Variants in SGIP1 observed in about 807,000 individuals in gnomAD.
SGIP1 encodes the protein SH3GL interacting endocytic adaptor 1.
In SGIP1, 38 loss-of-function variants were observed where a neutral mutation model predicts 107.5. That is an observed-to-expected ratio of 0.35 (90% CI 0.27 to 0.46). The LOEUF is 0.46. Ranked by LOEUF, SGIP1 falls within the 20% of genes least tolerant of loss-of-function variation. The probability of loss-of-function intolerance (pLI) is 1.00; values close to 1 mark genes in which losing one functional copy is unlikely to be tolerated. For synonymous variants in SGIP1, 365 were observed against 366.1 expected, an observed-to-expected ratio of 1.00 and a Z score of 0.03; for missense variants, 929 against 1,019.5, an observed-to-expected ratio of 0.91 and a Z score of 1.21.
chr1:66,750,474 C>G lies in SGIP1; in HGVS notation c.*7379C>G, dbSNP rs1323208680. Among the ~76,000 whole-genome samples the G allele has an allele frequency of 6.6e-6, 1 of 151,922 alleles. No homozygotes were observed. Among genetic ancestry groups the G allele is most frequent in the Non-Finnish European group, 1.5e-5 (1 of 67,966 alleles). ...TGTGTGTAATTTGATTTGGTGGTAG[C>G]CTTTATTTAGAGCTCTCTTTGATCT... On this transcript the variant is annotated 3_prime_UTR_variant, in exon 25 of 25. Coordinates refer to ENST00000371037, the MANE Select transcript of SGIP1 (RefSeq NM_032291.4).
At chr1:66,644,195 T>A (rs1277080452) in intron 7 of SGIP1, among the ~76,000 whole-genome samples, 2 of 152,170 alleles carry the variant, frequency 1.3e-5, no homozygotes, top group Non-Finnish European at 2.9e-5. Flanking sequence ...CAAATCATAG[T>A]CTAAATCAAA....
At chr1:66,563,988 C>A (rs2059320590) in intron 1 of SGIP1, among the ~76,000 whole-genome samples, 1 of 151,972 alleles carries the variant, frequency 6.6e-6, no homozygotes, top group Non-Finnish European at 1.5e-5. Context: ...TAAACCCAGA[C>A]TGTAAGCAAT....
rs1039249034 is a variant in SGIP1, at chr1:66,620,461, G to A, written c.11-5386G>A. ...TTGACTCACAGTTCCACATGGCTGG[G>A]GAGGCCTCAGGAAACTCACAATCAT... On this transcript the variant is annotated intron_variant, in intron 1 of 24. Coordinates refer to ENST00000371037, the MANE Select transcript of SGIP1 (RefSeq NM_032291.4). 5.3e-5 allele frequency among the ~76,000 whole-genome samples: 8 copies of A among 152,136 alleles called. No homozygotes were observed. In the East Asian group the frequency reaches 1.5e-3, roughly 29 times the overall value.
intron 2 of SGIP1, among the ~76,000 whole-genome samples, chr1:66,629,011 C>T (rs1444671169): frequency 3.9e-5 from 6 of 152,180 alleles, no homozygotes; most frequent in African/African-American, 1.4e-4. Context: ...GTAATTGGAT[C>T]ATATATCATT....
chr1:66,696,734 G>T (rs1224983314), intron 18 of SGIP1, among the ~76,000 whole-genome samples: 2 of 152,322 alleles, frequency 1.3e-5, no homozygotes, highest in East Asian at 3.9e-4. Flanking sequence ...GTCTTCAGGA[G>T]AGGATGTATC....
Position 66,739,407 on chromosome 1 carries a change from G to A in SGIP1, c.2104G>A (p.Asp702Asn). The part of the protein sequence containing the change: ...VNWRCEPSST[D>N]LRIDYKYNTD... ...TTGGCGATGTGAGCCTTCAAGCACTGACCTGCGCATAGATTACAAATATAA... is the reference window on the plus strand; with the variant it reads ...TTGGCGATGTGAGCCTTCAAGCACTAACCTGCGCATAGATTACAAATATAA... Residue 702 changes from aspartate (D) to asparagine (N), a missense_variant, in exon 22 of 25, where the codon GAC becomes AAC. Coordinates refer to ENST00000371037, the MANE Select transcript of SGIP1 (RefSeq NM_032291.4). The A allele has an allele frequency of 6.2e-7, 1 of 1,613,376 alleles. No individual in the cohort carries two copies. The highest frequency in any genetic ancestry group is 8.5e-7 in the Non-Finnish European group (1 of 1,180,036).
At chr1:66,741,523 T>A (rs2150761537) in intron 24 of SGIP1, 87 bp downstream of exon 24, 1 of 1,338,754 alleles carries the variant, frequency 7.5e-7, no homozygotes, top group African/African-American at 1.5e-5. Context: ...TTTCTCATCT[T>A]TTTCCTCCAC....
intron 18 of SGIP1, among the ~76,000 whole-genome samples, chr1:66,704,033 C>G (rs2092269989): frequency 6.6e-6 from 1 of 151,966 alleles, no homozygotes; most frequent in Non-Finnish European, 1.5e-5. Context: ...AATGGCAGCT[C>G]TTTCACAGGG....
intron 20 of SGIP1, among the ~76,000 whole-genome samples, chr1:66,731,031 C>A (rs1284573459): frequency 6.6e-6 from 1 of 152,130 alleles, no homozygotes; most frequent in Non-Finnish European, 1.5e-5. Flanking sequence ...ATGACAAAAA[C>A]CGTAATTCCT....
intron 1 of SGIP1, among the ~76,000 whole-genome samples, chr1:66,564,548 T>C (rs2059394043): frequency 6.6e-6 from 1 of 151,926 alleles, no homozygotes; most frequent in Non-Finnish European, 1.5e-5. Context: ...ATTCTTGAGA[T>C]AGTTAGGATG....
chr1:66,641,634 C>A (rs994848547), intron 5 of SGIP1, among the ~76,000 whole-genome samples: 5 of 152,120 alleles, frequency 3.3e-5, no homozygotes, highest in Admixed American at 2.6e-4. Flanking sequence ...TGGGATAATT[C>A]TTTTCACATA....
Position 66,739,496 on chromosome 1 carries a change from A to G in SGIP1, c.2193A>G (p.Gly731=). 3.1e-6 allele frequency: 5 copies of G among 1,614,102 alleles called. No homozygotes were observed. Residue 731 remains glycine (G), a synonymous_variant, in exon 22 of 25, where the codon GGA becomes GGG. Coordinates refer to ENST00000371037, the MANE Select transcript of SGIP1 (RefSeq NM_032291.4). ...TGCAGTTCCTGGTCCCCATCGACGG[A>G]GGAGTCACCAAGCTCCAGGCAGTGC... ...NNVQFLVPID[G]GVTKLQAVLP...
Position 66,659,950 on chromosome 1 carries a change from AAAAGAAAGAAAGAAAG to A in SGIP1, c.460-529_460-514del, listed in dbSNP as rs71058469. Among the ~76,000 whole-genome samples the A allele has an allele frequency of 6.9e-3, 296 of 43,036 alleles. 17 individuals are homozygous for A. Among genetic ancestry groups the A allele is most frequent in the Middle Eastern group, 0.03 (3 of 100 alleles). The allele number at this position is 43,036 out of a possible 152,430, so 28.2% of individuals were successfully genotyped here. A position where few individuals can be genotyped will look rare whatever the true frequency, so the allele number is the denominator to read the frequency against. On this transcript the variant is annotated intron_variant, in intron 7 of 24. Coordinates refer to ENST00000371037, the MANE Select transcript of SGIP1 (RefSeq NM_032291.4). ...AAAAAGAGAGAAAGAAAAAGAAAGA[AAAAGAAAGAAAGAAAG>A]AAAGAAAGAAAGAAAGAAAGAAAGA...
intron 1 of SGIP1, among the ~76,000 whole-genome samples, chr1:66,544,690 A>G (rs1033238359): frequency 6.6e-6 from 1 of 152,172 alleles, no homozygotes; most frequent in East Asian, 1.9e-4. Flanking sequence ...CTCTGTCTCA[A>G]AAACAAACAT....
At position 66,690,232 on chromosome 1, in the gene SGIP1, C is replaced by G; in HGVS notation, c.1486C>G (p.Pro496Ala). The change falls in exon 17 of 25, where the codon CCA becomes GCA. Residue 496 changes from proline to alanine, a missense_variant. This residue lies in a region of SGIP1 where 341 missense variants were observed against 430.9 expected (regional missense o/e 0.79). Coordinates refer to ENST00000371037, the MANE Select transcript of SGIP1 (RefSeq NM_032291.4). Reference protein sequence around the residue: ...SPPIHSSSPPPIAPLARAEST... With the variant: ...SPPIHSSSPPAIAPLARAEST... ...TCCCATTCATTCTTCCAGCCCTCCTCCAATAGCACCCTTAGCGCGGGCTGA... is the reference window on the plus strand; with the variant it reads ...TCCCATTCATTCTTCCAGCCCTCCTGCAATAGCACCCTTAGCGCGGGCTGA... The G allele has an allele frequency of 6.2e-7, 1 of 1,614,176 alleles. No individual in the cohort carries two copies. Among genetic ancestry groups the G allele is most frequent in the Non-Finnish European group, 8.5e-7 (1 of 1,179,998 alleles).
At chr1:66,727,001 T>A (rs1005105938) in intron 19 of SGIP1, among the ~76,000 whole-genome samples, 1 of 152,116 alleles carries the variant, frequency 6.6e-6, no homozygotes, top group Non-Finnish European at 1.5e-5. Flanking sequence ...AAATGAAACT[T>A]TTGTGACCTT....
chr1:66,556,186 C>G (rs1322216580), intron 1 of SGIP1, among the ~76,000 whole-genome samples: 1 of 152,138 alleles, frequency 6.6e-6, no homozygotes, highest in Non-Finnish European at 1.5e-5. Flanking sequence ...TCAGCTCTTG[C>G]TTATTCATAA....
chr1:66,713,829 A>T (rs1397019653), intron 18 of SGIP1, among the ~76,000 whole-genome samples: 1 of 152,156 alleles, frequency 6.6e-6, no homozygotes, highest in Non-Finnish European at 1.5e-5. Context: ...TATTGACACA[A>T]GTATTATCAA....
chr1:66,680,013 C>T (rs1185072363), intron 14 of SGIP1, among the ~76,000 whole-genome samples: 4 of 152,010 alleles, frequency 2.6e-5, no homozygotes, highest in Admixed American at 1.3e-4. Context: ...TTTTGTAACA[C>T]GAAATGAAAA....
Sources: allele counts gnomAD v4.1 joint callset (sites outside exome capture counted in the v4.1 genomes callset), GRCh38; gene constraint gnomAD v4.1.1; regional missense constraint gnomAD v4.1.1; transcripts MANE v1.5; gene names NCBI Gene and HGNC (gene_info 2026-07-23, HGNC 2026-07-21).